Variants in TIAM2 observed in about 807,000 individuals in gnomAD.
The protein encoded by TIAM2 is rho guanine nucleotide exchange factor TIAM2.
Under a neutral mutation model 152.9 loss-of-function variants are expected in TIAM2, and 80 were observed. The observed-to-expected ratio is 0.52, with a 90% CI of 0.44 to 0.63. TIAM2 has a LOEUF of 0.63. TIAM2 is among the 30% of genes least tolerant of loss of function. TIAM2 has a pLI of 0.00. For synonymous variants in TIAM2, 804 were observed against 838.0 expected (o/e 0.96, Z 0.70); for missense variants, 1,965 against 2,120.1 (o/e 0.93, Z 1.44).
intron 20 of TIAM2, 116 bp from the exon 21 acceptor site, chr6:155,249,735 C>CATG: frequency 1.3e-6 from 1 of 745,116 alleles, no homozygotes; most frequent in Non-Finnish European, 2.1e-6. Context: ...AATGCTCCTG[C>CATG]TAGTGGGTAC....
intron 15 of TIAM2, among the ~76,000 whole-genome samples, chr6:155,220,889 A>G (rs997832020): frequency 6.6e-6 from 1 of 151,896 alleles, no homozygotes; most frequent in Non-Finnish European, 1.5e-5. Flanking sequence ...TACCTTAGGT[A>G]TTTCTCCTGA....
At chr6:155,080,679 C>T (rs1027342317) in intron 1 of TIAM2, among the ~76,000 whole-genome samples, 2 of 152,116 alleles carry the variant, frequency 1.3e-5, no homozygotes, top group South Asian at 4.2e-4. Flanking sequence ...ATGATCCGCC[C>T]ACCTCAGCCT....
At chr6:155,119,026 C>T (rs1583200012) in intron 2 of TIAM2, among the ~76,000 whole-genome samples, 1 of 151,276 alleles carries the variant, frequency 6.6e-6, no homozygotes, top group East Asian at 1.9e-4. Flanking sequence ...CCCTTCCCTT[C>T]CATTCCTTTC....
rs115251142 is a variant in TIAM2 at position 155,257,120 on chromosome 6, A to G, written c.5105A>G (p.Ter1702TrpextTer19). Residue 1702 changes from the stop codon to tryptophan, a stop_lost, in exon 27 of 27, where the codon TAG becomes TGG. Coordinates refer to ENST00000682666, the MANE Select transcript of TIAM2 (RefSeq NM_012454.4). ...FYETESHGKS[*>W] ...GAAACAGAGAGCCACGGAAAATCAT[A>G]GTATGATTCAATCCAGATATGGGTT... is the stretch of plus-strand genomic sequence containing the variant. 6.4e-7 allele frequency: 1 copy of G among 1,572,626 alleles called. No homozygotes were observed. Among genetic ancestry groups the G allele is most frequent in the East Asian group, 2.3e-5 (1 of 43,156 alleles).
chr6:155,172,100 A>G (rs1780598094), intron 9 of TIAM2, among the ~76,000 whole-genome samples: 1 of 152,146 alleles, frequency 6.6e-6, no homozygotes, highest in Admixed American at 6.5e-5. Flanking sequence ...TGGTTTCAGG[A>G]CCATTGATGT....
chr6:155,029,513 C>CTATAGTATATATACTATAA (rs1202455648), intron 1 of TIAM2, among the ~76,000 whole-genome samples: 1 of 22,056 alleles, frequency 4.5e-5, no homozygotes, highest in Non-Finnish European at 7.9e-5. Flanking sequence ...ATAATATATA[C>CTATAGTATATATACTATAA]TATATATTAT....
At chr6:155,154,852 T>A (rs778806541) in intron 7 of TIAM2, among the ~76,000 whole-genome samples, 7 of 152,166 alleles carry the variant, frequency 4.6e-5, no homozygotes, top group Non-Finnish European at 8.8e-5. Flanking sequence ...AGTTTAAATA[T>A]TTACTTAAAT....
At chr6:155,104,590 T>C (rs903488262) in intron 2 of TIAM2, among the ~76,000 whole-genome samples, 4 of 151,946 alleles carry the variant, frequency 2.6e-5, no homozygotes, top group African/African-American at 9.7e-5. Context: ...ACCCCGTCTC[T>C]ACTAAAAATA....
chr6:155,241,428 G>A (rs1181205407), intron 16 of TIAM2, among the ~76,000 whole-genome samples: 16 of 152,106 alleles, frequency 1.1e-4, no homozygotes, highest in African/African-American at 1.2e-4. Context: ...GTCCAGGCCC[G>A]GCTTTGCCTC....
At chr6:155,136,384 C>T (rs1323169486) in intron 4 of TIAM2, among the ~76,000 whole-genome samples, 1 of 151,556 alleles carries the variant, frequency 6.6e-6, no homozygotes, top group Admixed American at 6.6e-5. Context: ...AGGTGATTCT[C>T]CTGCCTCAGC....
rs1251949980 is a variant in TIAM2 at position 155,125,270 on chromosome 6, CA to C, written c.-117-2212del. On this transcript the variant is annotated intron_variant, in intron 2 of 26. Transcript: ENST00000682666. ...TGGGTAACAGAGTGAGACTCTGTCT[CA>C]AAAAAAATAAAAGGTGCCATTGAAC... Among the ~76,000 whole-genome samples the C allele has an allele frequency of 2.0e-5, 3 of 150,612 alleles. No individual in the cohort carries two copies. In the East Asian group the frequency reaches 5.9e-4, roughly 29 times the overall value.
intron 1 of TIAM2, among the ~76,000 whole-genome samples, chr6:155,043,659 G>GAATA (rs1178145153): frequency 2.1e-5 from 3 of 139,852 alleles, no homozygotes; most frequent in East Asian, 2.1e-4. Flanking sequence ...AAAAAAAAAG[G>GAATA]ATCTGTAAGG....
At chr6:155,090,982 A>T (rs1346246705) in intron 2 of TIAM2, among the ~76,000 whole-genome samples, 1 of 152,070 alleles carries the variant, frequency 6.6e-6, no homozygotes, top group Non-Finnish European at 1.5e-5. Flanking sequence ...CGGCGTTTGA[A>T]ATGGTGGCAG....
intron 1 of TIAM2, among the ~76,000 whole-genome samples, chr6:155,049,162 T>G (rs970361528): frequency 4.6e-5 from 7 of 152,076 alleles, no homozygotes; most frequent in African/African-American, 1.7e-4. Context: ...AGGCTGTGCT[T>G]TGATTCGAAC....
rs200226916 is a variant in TIAM2, at chr6:155,059,282, C to CTGTGTGTGTGTG, written c.-208-30996_-208-30995insGTGTGTGTGTGT. 4.0e-3 allele frequency among the ~76,000 whole-genome samples: 571 copies of CTGTGTGTGTGTG among 144,184 alleles called. 7 individuals carry two copies. The highest frequency in any genetic ancestry group is 5.8e-3 in the Non-Finnish European group (384 of 66,602). The allele number at this position is 144,184 out of a possible 152,430, so 94.6% of individuals were successfully genotyped here. A position where few individuals can be genotyped will look rare whatever the true frequency, so the allele number is the denominator to read the frequency against. On this transcript the variant is annotated intron_variant, in intron 1 of 26. Transcript: ENST00000682666. Reference sequence around the variant, plus strand: ...CGGGAATTTAGTGGAATGTCCCTTTCTGTGTGTGTGTCTGTGTGTGTGTGT... The same window carrying CTGTGTGTGTGTG: ...CGGGAATTTAGTGGAATGTCCCTTTCTGTGTGTGTGTGTGTGTGTGTGTCTGTGTGTGTGTGT...
intron 9 of TIAM2, among the ~76,000 whole-genome samples, chr6:155,167,111 A>G (rs1780460905): frequency 1.3e-5 from 2 of 152,342 alleles, no homozygotes; most frequent in South Asian, 4.1e-4. Flanking sequence ...GTGGGTTGGT[A>G]GATTAACAGA....
At position 155,079,065 on chromosome 6, in the gene TIAM2, T is replaced by TG. The variant is rs1251142493; in HGVS notation, c.-208-11223dup. On this transcript the variant is annotated intron_variant, in intron 1 of 26. Transcript: ENST00000682666. ...GATGACCAGTTTATCTTTGTTTTTT[T>TG]GTTTTTGTTTTTTTGAGGCAGAGTC... Among the ~76,000 whole-genome samples, 4 of 152,204 alleles carry TG rather than the reference T, an allele frequency of 2.6e-5. No individual in the cohort carries two copies. The East Asian group carries it at 7.7e-4, about 29-fold the overall frequency.
rs751796168 is a variant in TIAM2 at position 155,184,687 on chromosome 6, A to G, written c.3064+1187A>G. On this transcript the variant is annotated intron_variant, in intron 14 of 26. Transcript: ENST00000682666. Reference sequence around the variant, plus strand: ...CACCAAAGAGAAGTTGTTAGGATTGATTTAATTATAAAGGAAGTTTATTAG... The same window carrying G: ...CACCAAAGAGAAGTTGTTAGGATTGGTTTAATTATAAAGGAAGTTTATTAG... Among the ~76,000 whole-genome samples the G allele has an allele frequency of 9.9e-5, 15 of 152,192 alleles. 1 individual carries two copies. The highest frequency in any genetic ancestry group is 2.6e-4 in the Admixed American group (4 of 15,276).
In TIAM2 at chr6:155,147,112, T is replaced by G. The variant is rs371509173; in HGVS notation, c.1804-998T>G. On this transcript the variant is annotated intron_variant, in intron 6 of 26. Coordinates refer to ENST00000682666, the MANE Select transcript of TIAM2 (RefSeq NM_012454.4). The stretch of plus-strand genomic sequence containing the variant: ...CTGAAAAATAGAGAAAGGAAAAACC[T>G]TGATATATTCAAAGACAATAGCATT... Among the ~76,000 whole-genome samples the G allele has an allele frequency of 9.9e-5, 15 of 152,042 alleles. No individual in the cohort carries two copies. The East Asian group carries it at 2.7e-3, about 27-fold the overall frequency.
Sources: allele counts gnomAD v4.1 joint callset (sites outside exome capture counted in the v4.1 genomes callset), GRCh38; gene constraint gnomAD v4.1.1; transcripts MANE v1.5; gene names NCBI Gene and HGNC (gene_info 2026-07-23, HGNC 2026-07-21).